UHMK1: variants seen among roughly 807,000 people sequenced by gnomAD.
The protein encoded by UHMK1 is serine/threonine-protein kinase Kist.
UHMK1 carries 18 observed loss-of-function variants against 44.0 expected under a neutral mutation model. That is an observed-to-expected ratio of 0.41 (90% CI 0.28 to 0.61). UHMK1 has a LOEUF of 0.61. UHMK1 is among the 20% of genes least tolerant of loss of function. UHMK1 has a pLI of 0.31. For synonymous variants in UHMK1, 231 were observed against 198.5 expected (o/e 1.16, Z -1.38); for missense variants, 463 against 522.5 (o/e 0.89, Z 1.11).
chr1:162,511,930 T>C (rs1245652070), intron 4 of UHMK1, among the ~76,000 whole-genome samples: 1 of 152,164 alleles, frequency 6.6e-6, no homozygotes, highest in Non-Finnish European at 1.5e-5. Context: ...CTCTCTGATC[T>C]GTTTCATCAG....
intron 4 of UHMK1, among the ~76,000 whole-genome samples, chr1:162,507,735 C>T (rs551776679): frequency 7.3e-5 from 11 of 151,648 alleles, no homozygotes; most frequent in East Asian, 2.0e-4. Context: ...TACAGGCACC[C>T]GCTACCACAC....
chr1:162,498,881 A>C (rs1488359177), intron 1 of UHMK1, among the ~76,000 whole-genome samples: 2 of 152,252 alleles, frequency 1.3e-5, no homozygotes, highest in Non-Finnish European at 1.5e-5. Context: ...TACACGACAG[A>C]AAGCTTATCA....
At chr1:162,499,869 T>G in intron 1 of UHMK1, 86 bp from the exon 2 acceptor site, 1 of 1,267,402 alleles carries the variant, frequency 7.9e-7, no homozygotes, top group Non-Finnish European at 1.1e-6. Flanking sequence ...TTATCTAGAC[T>G]ATCTCAAATT....
chr1:162,517,818 G>A (rs1245447423), intron 6 of UHMK1, among the ~76,000 whole-genome samples: 1 of 152,032 alleles, frequency 6.6e-6, no homozygotes, highest in Non-Finnish European at 1.5e-5. Context: ...CCGAGAGGCG[G>A]AGGTTGCAGT....
chr1:162,518,818 C>T (rs1464948204), intron 7 of UHMK1, among the ~76,000 whole-genome samples: 2 of 151,420 alleles, frequency 1.3e-5, no homozygotes, highest in Admixed American at 1.3e-4. Flanking sequence ...GAACCCTTTT[C>T]TCTACTAAAA....
chr1:162,507,970 T>C (rs377408709), intron 4 of UHMK1, among the ~76,000 whole-genome samples: 9 of 152,316 alleles, frequency 5.9e-5, no homozygotes, highest in South Asian at 2.1e-4. Context: ...GTATCTCTTA[T>C]AGTGTAATTT....
chr1:162,511,189 C>CTTTTTTT (rs142796500), intron 4 of UHMK1, among the ~76,000 whole-genome samples: 4 of 101,002 alleles, frequency 4.0e-5, no homozygotes, highest in African/African-American at 4.0e-5. Context: ...TTTTCTTTTT[C>CTTTTTTT]TTTTTTTTTT....
rs747618440 is a variant in UHMK1, at chr1:162,512,703, A to G, written c.926-22A>G. 14 of 1,612,616 alleles carry G rather than the reference A, an allele frequency of 8.7e-6. No individual in the cohort carries two copies. In the South Asian group the frequency reaches 9.9e-5, roughly 11 times the overall value. ...TATTTGGGGGGATTTACATTTAACC[A>G]TATTATGATGAATTTTAACAGCCCC... is the stretch of plus-strand genomic sequence containing the variant. On this transcript the variant is annotated intron_variant, in intron 5 of 7. Coordinates refer to ENST00000489294, the MANE Select transcript of UHMK1 (RefSeq NM_175866.5).
chr1:162,517,809 C>T (rs370190465), intron 6 of UHMK1, among the ~76,000 whole-genome samples: 4 of 151,934 alleles, frequency 2.6e-5, no homozygotes, highest in South Asian at 4.2e-4. Context: ...CGCTTGAACC[C>T]GAGAGGCGGA....
Position 162,497,923 on chromosome 1 carries a change from G to A in UHMK1, c.-78G>A, listed in dbSNP as rs539910945. The A allele has an allele frequency of 3.5e-6, 5 of 1,437,416 alleles. No individual in the cohort carries two copies. Among genetic ancestry groups the A allele is most frequent in the East Asian group, 2.7e-5 (1 of 37,444 alleles). 89.0% of individuals were successfully genotyped at this position (1,437,416 alleles called of 1,614,324 possible). On this transcript the variant is annotated 5_prime_UTR_variant, in exon 1 of 8. Coordinates refer to ENST00000489294, the MANE Select transcript of UHMK1 (RefSeq NM_175866.5). The stretch of plus-strand genomic sequence containing the variant: ...CTGCGGAGCCGCTGGTCCGGCTGGC[G>A]GAGATGTGACCGCGGGCCCGGCCGG...
chr1:162,501,447 C>T (rs1001376304), intron 3 of UHMK1, among the ~76,000 whole-genome samples: 1 of 152,204 alleles, frequency 6.6e-6, no homozygotes, highest in Non-Finnish European at 1.5e-5. Context: ...GGATTACAGG[C>T]ATGAGCCACC....
Position 162,528,465 on chromosome 1 carries a change from T to G in UHMK1, c.*5915T>G, listed in dbSNP as rs1652326663. On this transcript the variant is annotated 3_prime_UTR_variant, in exon 8 of 8. Transcript: ENST00000489294. ...ACCAGATTAAATATCTATATTCAGT[T>G]TGGCCTAATTTTTAAAAATAAATAT... The G allele has an allele frequency of 1.3e-5, 2 of 152,218 alleles. No homozygotes were observed. Among genetic ancestry groups the G allele is most frequent in the Non-Finnish European group, 1.5e-5 (1 of 67,962 alleles). 9.4% of individuals were successfully genotyped at this position (152,218 alleles called of 1,614,324 possible).
chr1:162,522,289 A>G, intron 7 of UHMK1, 115 bp from the exon 8 acceptor site: 2 of 1,270,158 alleles, frequency 1.6e-6, no homozygotes, highest in Admixed American at 2.4e-5. Context: ...CTAAGGAAGC[A>G]AAATCTGCAT....
chr1:162,516,456 AG>A (rs897965621), intron 6 of UHMK1, among the ~76,000 whole-genome samples: 27 of 152,314 alleles, frequency 1.8e-4, no homozygotes, highest in Admixed American at 1.6e-3. Context: ...GAAAAAAGAA[AG>A]GGATGAGGGA....
intron 7 of UHMK1, among the ~76,000 whole-genome samples, chr1:162,520,338 G>A (rs6427679): frequency 0.46 from 69,873 of 151,994 alleles, 16,087 homozygotes; most frequent in East Asian, 0.47. Flanking sequence ...TTAGTATCAC[G>A]TACTGAATAC....
chr1:162,510,862 A>AT (rs1327984569), intron 4 of UHMK1, among the ~76,000 whole-genome samples: 1 of 151,746 alleles, frequency 6.6e-6, no homozygotes, highest in East Asian at 1.9e-4. Flanking sequence ...TTTTTTAAAA[A>AT]TTTTTTTTAA....
At position 162,527,869 on chromosome 1, in the gene UHMK1, T is replaced by C. The variant is rs1168590331; in HGVS notation, c.*5319T>C. On this transcript the variant is annotated 3_prime_UTR_variant, in exon 8 of 8. Coordinates refer to ENST00000489294, the MANE Select transcript of UHMK1 (RefSeq NM_175866.5). ...GTGCAGAAGAGAGCTTATTTTGTTA[T>C]ACTGCTTTGTATAATGGAAATAAGT... is the stretch of plus-strand genomic sequence containing the variant. The C allele has an allele frequency of 6.6e-6, 1 of 151,936 alleles. No individual in the cohort carries two copies. Among genetic ancestry groups the C allele is most frequent in the African/African-American group, 2.4e-5 (1 of 41,416 alleles). The allele number at this position is 151,936 out of a possible 1,614,324, so 9.4% of individuals were successfully genotyped here. A position where few individuals can be genotyped will look rare whatever the true frequency, so the allele number is the denominator to read the frequency against.
intron 7 of UHMK1, among the ~76,000 whole-genome samples, chr1:162,519,296 A>G (rs1276282606): frequency 7.1e-6 from 1 of 141,014 alleles, no homozygotes; most frequent in African/African-American, 2.7e-5. Context: ...AGCCTGGGTG[A>G]CAGAGCGAGA....
At chr1:162,514,620 A>C (rs915810933) in intron 6 of UHMK1, among the ~76,000 whole-genome samples, 11 of 152,320 alleles carry the variant, frequency 7.2e-5, no homozygotes, top group Admixed American at 7.2e-4. Context: ...GAAAGAAGGA[A>C]GGAGAAATAA....
Sources: allele counts gnomAD v4.1 joint callset (sites outside exome capture counted in the v4.1 genomes callset), GRCh38; gene constraint gnomAD v4.1.1; transcripts MANE v1.5; gene names NCBI Gene and HGNC (gene_info 2026-07-23, HGNC 2026-07-21).